MGAT5: variants seen among roughly 807,000 people sequenced by gnomAD.
MGAT5 encodes alpha-1,6-mannosylglycoprotein 6-beta-N-acetylglucosaminyltransferase A.
A neutral mutation model predicts 94.3 loss-of-function variants in MGAT5; 30 were observed. The observed-to-expected ratio is 0.32, with a 90% CI of 0.24 to 0.43. The LOEUF is 0.43. Among genes scored for constraint, MGAT5 ranks in the 20% least tolerant of loss-of-function variants. The probability of loss-of-function intolerance (pLI) is 1.00; values close to 1 mark genes in which losing one functional copy is unlikely to be tolerated. For synonymous variants in MGAT5, 310 were observed against 322.9 expected (o/e 0.96, Z 0.43); for missense variants, 691 against 905.5 (o/e 0.76, Z 3.04).
intron 15 of MGAT5, among the ~76,000 whole-genome samples, chr2:134,445,674 C>A (rs910920490): frequency 1.3e-5 from 2 of 152,142 alleles, no homozygotes; most frequent in African/African-American, 4.8e-5. Flanking sequence ...GGCCCAGAAA[C>A]TTTAACTACC....
At chr2:134,233,673 A>G (rs1429691400) in intron 1 of MGAT5, among the ~76,000 whole-genome samples, 1 of 152,226 alleles carries the variant, frequency 6.6e-6, no homozygotes, top group Non-Finnish European at 1.5e-5. Flanking sequence ...TGTAGGAGTC[A>G]TGAGACTTCT....
At chr2:134,143,681 G>T (rs1242325385) in intron 1 of MGAT5, among the ~76,000 whole-genome samples, 1 of 152,204 alleles carries the variant, frequency 6.6e-6, no homozygotes, top group Non-Finnish European at 1.5e-5. Flanking sequence ...AAGGGAAATG[G>T]AGCTGGCTGA....
chr2:134,280,729 T>C (rs750565445), intron 2 of MGAT5, among the ~76,000 whole-genome samples: 2 of 152,204 alleles, frequency 1.3e-5, no homozygotes, highest in Admixed American at 6.5e-5. Context: ...GTTTCCTCAT[T>C]GATAAAATGA....
At chr2:134,433,246 C>G (rs1428920862) in intron 14 of MGAT5, among the ~76,000 whole-genome samples, 2 of 152,196 alleles carry the variant, frequency 1.3e-5, no homozygotes, top group African/African-American at 4.8e-5. Context: ...GAATAGTATT[C>G]CATGTATGTA....
At chr2:134,329,185 G>A (rs939620173) in intron 4 of MGAT5, among the ~76,000 whole-genome samples, 1 of 152,068 alleles carries the variant, frequency 6.6e-6, no homozygotes, top group African/African-American at 2.4e-5. Flanking sequence ...ATGTTCTTGG[G>A]ACTTGCAAGG....
chr2:134,271,025 T>C (rs1683993377), intron 2 of MGAT5, among the ~76,000 whole-genome samples: 1 of 152,152 alleles, frequency 6.6e-6, no homozygotes, highest in African/African-American at 2.4e-5. Flanking sequence ...GGAAATGGCT[T>C]TTAGGAGATA....
intron 1 of MGAT5, among the ~76,000 whole-genome samples, chr2:134,237,199 C>T (rs1681695171): frequency 6.6e-6 from 1 of 150,534 alleles, no homozygotes. Context: ...GCTGCTGAGC[C>T]CTAAAAGAAT....
intron 1 of MGAT5, among the ~76,000 whole-genome samples, chr2:134,237,123 ATG>A (rs68003122): frequency 2.1e-4 from 29 of 140,688 alleles, no homozygotes; most frequent in African/African-American, 2.8e-4. Flanking sequence ...GAAGGAGTAT[ATG>A]TGTGTGTGTG....
intron 10 of MGAT5, among the ~76,000 whole-genome samples, chr2:134,371,047 C>T (rs773501822): frequency 2.0e-5 from 3 of 152,196 alleles, no homozygotes; most frequent in Admixed American, 6.5e-5. Flanking sequence ...TTTATGCAAT[C>T]GTCTTAGATC....
intron 1 of MGAT5, among the ~76,000 whole-genome samples, chr2:134,155,903 G>A (rs1021071302): frequency 6.6e-6 from 1 of 152,032 alleles, no homozygotes; most frequent in Non-Finnish European, 1.5e-5. Context: ...TCCGCAGGGA[G>A]GCCTCCCTGG....
chr2:134,196,516 AAT>A (rs1219441936), intron 1 of MGAT5, among the ~76,000 whole-genome samples: 2 of 152,268 alleles, frequency 1.3e-5, no homozygotes, highest in African/African-American at 2.4e-5. Flanking sequence ...ATCATTTAAA[AAT>A]ATGACAGCCC....
intron 1 of MGAT5, among the ~76,000 whole-genome samples, chr2:134,264,865 T>C (rs1683603759): frequency 6.6e-6 from 1 of 152,180 alleles, no homozygotes; most frequent in Non-Finnish European, 1.5e-5. Context: ...CGGGCAGCCA[T>C]GGTGAAAGGG....
chr2:134,425,727 C>T (rs3791316), intron 13 of MGAT5, among the ~76,000 whole-genome samples: 45,376 of 151,752 alleles, frequency 0.3, 7,973 homozygotes, highest in African/African-American at 0.48. Flanking sequence ...TTGTCCCTGA[C>T]TTGGAAAGGT....
chr2:134,363,683 C>G (rs1015633882), intron 10 of MGAT5, among the ~76,000 whole-genome samples: 1 of 152,168 alleles, frequency 6.6e-6, no homozygotes, highest in Non-Finnish European at 1.5e-5. Flanking sequence ...ACCAGTAATT[C>G]CAAAGGTGGA....
chr2:134,171,512 TAACA>T (rs1335845807), intron 1 of MGAT5, among the ~76,000 whole-genome samples: 1 of 152,200 alleles, frequency 6.6e-6, no homozygotes, highest in Non-Finnish European at 1.5e-5. Flanking sequence ...ATTTGGATCC[TAACA>T]AGTGAGATAA....
chr2:134,276,770 G>A (rs1481262236), intron 2 of MGAT5, among the ~76,000 whole-genome samples: 4 of 152,152 alleles, frequency 2.6e-5, no homozygotes, highest in African/African-American at 4.8e-5. Flanking sequence ...CATATGAATG[G>A]GTGAGAGAGA....
intron 1 of MGAT5, among the ~76,000 whole-genome samples, chr2:134,241,922 G>T (rs1681995167): frequency 6.6e-6 from 1 of 152,104 alleles, no homozygotes; most frequent in Admixed American, 6.5e-5. Context: ...AGACTTTCAG[G>T]GGCTATGAAG....
intron 9 of MGAT5, among the ~76,000 whole-genome samples, chr2:134,361,342 A>G (rs1680086715): frequency 1.3e-5 from 2 of 152,366 alleles, no homozygotes; most frequent in Non-Finnish European, 1.5e-5. Context: ...GCTTCATTTA[A>G]TATCAGCCAC....
intron 13 of MGAT5, among the ~76,000 whole-genome samples, chr2:134,424,044 C>T (rs998733080): frequency 2.6e-5 from 4 of 152,170 alleles, no homozygotes; most frequent in South Asian, 2.1e-4. Flanking sequence ...AACATGCAAA[C>T]GCTCCAGGAG....
Sources: gnomAD v4.1 joint callset for allele counts (sites outside exome capture counted in the v4.1 genomes callset) on GRCh38, gnomAD v4.1.1 for gene constraint, MANE v1.5 for transcripts, NCBI Gene and HGNC (gene_info 2026-07-23, HGNC 2026-07-21) for gene names.